The following RARS1 variants were observed in gnomAD, a reference collection of about 807,000 sequenced individuals.
RARS1 encodes the protein arginyl-tRNA synthetase 1, also known as arginine--tRNA ligase, cytoplasmic.
A neutral mutation model predicts 78.7 loss-of-function variants in RARS1; 75 were observed. That is an observed-to-expected ratio of 0.95 (90% confidence interval 0.79 to 1.15). RARS1 has a LOEUF of 1.15. Among genes scored for constraint, RARS1 ranks in the 50% most tolerant of loss-of-function variants. The pLI is 0.00. For missense variants in RARS1, 787 were observed against 787.5 expected, an observed-to-expected ratio of 1.00 and a Z score of 0.01; for synonymous variants, 273 against 268.2, an observed-to-expected ratio of 1.02 and a Z score of -0.18.
At chr5:168,502,242 A>G (rs1381213975) in intron 9 of RARS1, 137 bp downstream of exon 9, 4 of 1,251,894 alleles carry the variant, frequency 3.2e-6, no homozygotes, top group African/African-American at 1.5e-5. Context: ...ACCTTATTGT[A>G]TCTATACCTT....
intron 9 of RARS1, among the ~76,000 whole-genome samples, chr5:168,502,384 ATTT>A (rs759302320): frequency 1.0e-4 from 13 of 127,248 alleles, no homozygotes; most frequent in African/African-American, 4.1e-4. Flanking sequence ...ATATATATAT[ATTT>A]TTTTTTTTTA....
In RARS1 at chr5:168,488,639, G is replaced by A. The variant is rs775450122; in HGVS notation, c.83G>A (p.Arg28Gln). The A allele has an allele frequency of 1.5e-5, 24 of 1,609,942 alleles. No individual in the cohort carries two copies. Among genetic ancestry groups the A allele is most frequent in the Middle Eastern group, 1.6e-4 (1 of 6,064 alleles). The change falls in exon 2 of 15, where the codon CGG (arginine) becomes CAG (glutamine). Residue 28 changes from arginine (R) to glutamine (Q), a missense_variant. Coordinates refer to ENST00000231572, the MANE Select transcript of RARS1 (RefSeq NM_002887.4). ...EIKSLTAEIDRLKNCGCLGAS... is the reference protein window; with the variant it reads ...EIKSLTAEIDQLKNCGCLGAS... Reference sequence around the variant, plus strand: ...AAATCTCTGACTGCTGAAATTGACCGGTTGAAAAACTGTGGCTGTTTAGGA... The same window carrying A: ...AAATCTCTGACTGCTGAAATTGACCAGTTGAAAAACTGTGGCTGTTTAGGA...
intron 12 of RARS1, among the ~76,000 whole-genome samples, chr5:168,511,516 C>A (rs1293026048): frequency 6.6e-6 from 1 of 152,120 alleles, no homozygotes; most frequent in Non-Finnish European, 1.5e-5. Flanking sequence ...AATCTGCCCC[C>A]ATGATCCAGC....
chr5:168,503,934 AAGT>A (rs555619824), intron 9 of RARS1, among the ~76,000 whole-genome samples: 28 of 152,050 alleles, frequency 1.8e-4, no homozygotes, highest in Admixed American at 5.9e-4. Flanking sequence ...TTAACAAAAG[AAGT>A]AGTTGGGCAT....
Position 168,494,768 on chromosome 5 carries a change from G to A in RARS1, c.579+118G>A, listed in dbSNP as rs951343766. ...AGGCTGAAGCAGGAGGATTGCTTGA[G>A]CCTAGAAGTTCAAGGCTGAGGTGTG... On this transcript the variant is annotated intron_variant, in intron 5 of 14. Transcript: ENST00000231572. 22 of 741,110 alleles carry A rather than the reference G, an allele frequency of 3.0e-5. No individual in the cohort carries two copies. In the East Asian group the frequency reaches 5.9e-4, roughly 20 times the overall value. 45.9% of individuals were successfully genotyped at this position (741,110 alleles called of 1,614,324 possible). A position where few individuals can be genotyped will look rare whatever the true frequency, so the allele number is the denominator to read the frequency against.
At position 168,516,924 on chromosome 5, in the gene RARS1, C is replaced by T. The variant is rs1021332009; in HGVS notation, c.1599C>T (p.Tyr533=). The change falls in exon 13 of 15, where the codon TAC becomes TAT. Residue 533 remains tyrosine, a synonymous_variant. Transcript: ENST00000231572. ...ATGACAGAGGAAATACAGCTGCTTACTTGTTGTATGCCTTCACTAGAATCA... is the reference window on the plus strand; with the variant it reads ...ATGACAGAGGAAATACAGCTGCTTATTTGTTGTATGCCTTCACTAGAATCA... The part of the protein sequence containing the change: ...MLDDRGNTAA[Y]LLYAFTRIRS... The T allele has an allele frequency of 3.1e-6, 5 of 1,613,848 alleles. No individual in the cohort carries two copies. Among genetic ancestry groups the T allele is most frequent in the African/African-American group, 1.3e-5 (1 of 74,894 alleles).
intron 5 of RARS1, 112 bp downstream of exon 5, chr5:168,494,762 G>T: frequency 3.9e-6 from 3 of 775,542 alleles, no homozygotes; most frequent in South Asian, 1.7e-5. Flanking sequence ...CAGGAGGATT[G>T]CTTGAGCCTA....
intron 12 of RARS1, among the ~76,000 whole-genome samples, chr5:168,512,573 G>T (rs1318762490): frequency 6.6e-6 from 1 of 152,120 alleles, no homozygotes; most frequent in East Asian, 1.9e-4. Context: ...CGATAACAAG[G>T]TCCCACAATA....
intron 12 of RARS1, among the ~76,000 whole-genome samples, chr5:168,513,580 A>G (rs1164637889): frequency 2.0e-5 from 3 of 152,096 alleles, no homozygotes; most frequent in South Asian, 2.1e-4. Flanking sequence ...CAGGCTCTCA[A>G]AGTGCTGGGA....
At chr5:168,505,714 G>GAAAAAAAAAAAAAA (rs60743864) in intron 9 of RARS1, among the ~76,000 whole-genome samples, 3 of 114,248 alleles carry the variant, frequency 2.6e-5, no homozygotes, top group African/African-American at 6.6e-5. Context: ...TATCAAAAAA[G>GAAAAAAAAAAAAAA]AAAAAAAAAA....
intron 2 of RARS1, among the ~76,000 whole-genome samples, chr5:168,492,182 A>G (rs990891303): frequency 1.3e-5 from 2 of 152,192 alleles, no homozygotes; most frequent in Non-Finnish European, 2.9e-5. Flanking sequence ...TAACAGTAAA[A>G]CAAAACTACT....
chr5:168,497,593 G>A (rs1054325189), intron 7 of RARS1, among the ~76,000 whole-genome samples: 2 of 151,972 alleles, frequency 1.3e-5, no homozygotes, highest in East Asian at 1.9e-4. Flanking sequence ...CATGGCGCTA[G>A]CATCTGCTCA....
rs760836315 is a variant in RARS1 at position 168,517,928 on chromosome 5, G to C, written c.1739G>C (p.Arg580Pro). 3 of 1,613,672 alleles carry C rather than the reference G, an allele frequency of 1.9e-6. No homozygotes were observed. The highest frequency in any genetic ancestry group is 2.5e-6 in the Non-Finnish European group (3 of 1,179,948). The change falls in exon 14 of 15, where the codon CGG becomes CCG. Residue 580 changes from arginine (R) to proline (P), a missense_variant. By Grantham distance (103) the Arg-to-Pro change is moderately radical. Transcript: ENST00000231572. ...TGGAAACTAGGCCGGTGCATTTTAC[G>C]GTTCCCTGAGATTCTGCAAAAGATT... The part of the protein sequence containing the change: ...KEWKLGRCIL[R>P]FPEILQKILD...
chr5:168,504,437 C>T (rs1313488686), intron 9 of RARS1, among the ~76,000 whole-genome samples: 1 of 146,804 alleles, frequency 6.8e-6, no homozygotes, highest in East Asian at 2.0e-4. Flanking sequence ...GCAGAGGAGT[C>T]GCTTGAACCC....
Position 168,506,164 on chromosome 5 carries a change from G to T in RARS1, c.1201G>T (p.Ala401Ser). The change falls in exon 10 of 15, where the codon GCA becomes TCA. Residue 401 changes from alanine (A) to serine (S), a missense_variant. Transcript: ENST00000231572. The stretch of plus-strand genomic sequence containing the variant: ...TAAACAAAGACTATTTGAGGAAAAA[G>T]CAGATATGATTATCTATGTTGTGGA... The part of the protein sequence containing the change: ...AIKQRLFEEK[A>S]DMIIYVVDNG... The T allele has an allele frequency of 6.3e-7, 1 of 1,582,322 alleles. No individual in the cohort carries two copies. Among genetic ancestry groups the T allele is most frequent in the Non-Finnish European group, 8.6e-7 (1 of 1,164,996 alleles).
chr5:168,518,075 T>TTTTTTTTTTTTTTTTTTTTTTTTG lies in RARS1; in HGVS notation c.1873+33_1873+34insTTTGTTTTTTTTTTTTTTTTTTTT. On this transcript the variant is annotated intron_variant, in intron 14 of 14. Transcript: ENST00000231572. Reference sequence around the variant, plus strand: ...GATAGACAGACTGGTGAGTGTCTTTTTTTTTTTTTTTTTTTTTTTTAGTGA... The same window carrying TTTTTTTTTTTTTTTTTTTTTTTTG: ...GATAGACAGACTGGTGAGTGTCTTTTTTTTTTTTTTTTTTTTTTTTTTTGTTTTTTTTTTTTTTTTTTTTAGTGA... 1 of 1,069,184 alleles carries TTTTTTTTTTTTTTTTTTTTTTTTG rather than the reference T, an allele frequency of 9.4e-7. No homozygotes were observed. The highest frequency in any genetic ancestry group is 1.2e-6 in the Non-Finnish European group (1 of 819,778). The allele number at this position is 1,069,184 out of a possible 1,614,324, so 66.2% of individuals were successfully genotyped here. A position where few individuals can be genotyped will look rare whatever the true frequency, so the allele number is the denominator to read the frequency against.
At chr5:168,513,752 A>G (rs1236988215) in intron 12 of RARS1, among the ~76,000 whole-genome samples, 1 of 152,174 alleles carries the variant, frequency 6.6e-6, no homozygotes, top group African/African-American at 2.4e-5. Context: ...ATTTATCTAT[A>G]TATTTTCGCC....
intron 2 of RARS1, among the ~76,000 whole-genome samples, chr5:168,491,990 G>A (rs894177774): frequency 1.6e-5 from 2 of 127,624 alleles, no homozygotes; most frequent in Admixed American, 9.7e-5. Flanking sequence ...TGTATGGCAA[G>A]TACAGTGCTA....
At chr5:168,513,017 T>C (rs1026542899) in intron 12 of RARS1, among the ~76,000 whole-genome samples, 1 of 152,072 alleles carries the variant, frequency 6.6e-6, no homozygotes, top group African/African-American at 2.4e-5. Context: ...TTGATGATAT[T>C]GACTACCTTT....
Sources: allele counts gnomAD v4.1 joint callset (sites outside exome capture counted in the v4.1 genomes callset), GRCh38; gene constraint gnomAD v4.1.1; transcripts MANE v1.5; gene names NCBI Gene and HGNC (gene_info 2026-07-23, HGNC 2026-07-21).